HS6ST3: variants seen among roughly 807,000 people sequenced by gnomAD.
HS6ST3 encodes the protein heparan-sulfate 6-O-sulfotransferase 3.
In HS6ST3, 12 loss-of-function variants were observed where a neutral mutation model predicts 36.7. That is an observed-to-expected ratio of 0.33 (90% CI 0.21 to 0.53). HS6ST3 has a LOEUF of 0.53. HS6ST3 is among the 20% of genes least tolerant of loss of function. HS6ST3 has a pLI of 0.95. For synonymous variants in HS6ST3, 240 were observed against 257.5 expected, an observed-to-expected ratio of 0.93 and a Z score of 0.65; for missense variants, 584 against 640.9, an observed-to-expected ratio of 0.91 and a Z score of 0.96.
intron 1 of HS6ST3, among the ~76,000 whole-genome samples, chr13:96,688,130 A>G (rs1215673330): frequency 6.6e-6 from 1 of 150,950 alleles, no homozygotes; most frequent in Non-Finnish European, 1.5e-5. Context: ...ATGACGAGTT[A>G]ATGGGTGCAG....
intron 1 of HS6ST3, among the ~76,000 whole-genome samples, chr13:96,694,230 A>G (rs1399400583): frequency 1.3e-5 from 2 of 152,006 alleles, no homozygotes; most frequent in Non-Finnish European, 2.9e-5. Flanking sequence ...TGTTCTCATT[A>G]TTTAGCTCCC....
chr13:96,553,658 C>T (rs1301295104), intron 1 of HS6ST3, among the ~76,000 whole-genome samples: 1 of 152,176 alleles, frequency 6.6e-6, no homozygotes, highest in African/African-American at 2.4e-5. Flanking sequence ...CACAGATGTG[C>T]CCACATTTGG....
At chr13:96,351,754 A>T (rs2055185306) in intron 1 of HS6ST3, among the ~76,000 whole-genome samples, 1 of 152,214 alleles carries the variant, frequency 6.6e-6, no homozygotes, top group Non-Finnish European at 1.5e-5. Context: ...TACAAAGGAG[A>T]AAGAAATAGC....
At chr13:96,384,790 C>T (rs1269127897) in intron 1 of HS6ST3, among the ~76,000 whole-genome samples, 1 of 152,166 alleles carries the variant, frequency 6.6e-6, no homozygotes, top group Non-Finnish European at 1.5e-5. Flanking sequence ...CCACTTACTA[C>T]CCAAGCTCAG....
intron 1 of HS6ST3, among the ~76,000 whole-genome samples, chr13:96,717,278 A>G (rs899125796): frequency 1.3e-5 from 2 of 152,194 alleles, no homozygotes; most frequent in African/African-American, 4.8e-5. Context: ...CCTACAATGC[A>G]TTCCAGTGGG....
At chr13:96,706,214 A>G (rs1875418759) in intron 1 of HS6ST3, among the ~76,000 whole-genome samples, 1 of 151,870 alleles carries the variant, frequency 6.6e-6, no homozygotes, top group Admixed American at 6.6e-5. Flanking sequence ...CTAGGACCAT[A>G]TGCCCCTAAC....
chr13:96,495,731 C>T (rs1199192736), intron 1 of HS6ST3, among the ~76,000 whole-genome samples: 2 of 152,106 alleles, frequency 1.3e-5, no homozygotes, highest in African/African-American at 4.8e-5. Context: ...GTTGTGTAAA[C>T]GTGTGGCCAA....
At chr13:96,334,930 C>G (rs538513890) in intron 1 of HS6ST3, among the ~76,000 whole-genome samples, 6 of 152,170 alleles carry the variant, frequency 3.9e-5, no homozygotes, top group Non-Finnish European at 8.8e-5. Flanking sequence ...CTTCAAGTAC[C>G]TAGTTGATGC....
At chr13:96,557,041 A>T (rs1306578905) in intron 1 of HS6ST3, among the ~76,000 whole-genome samples, 1 of 152,194 alleles carries the variant, frequency 6.6e-6, no homozygotes, top group Non-Finnish European at 1.5e-5. Flanking sequence ...TTTATAGGTC[A>T]TCTTTAAAGT....
chr13:96,661,100 G>C (rs2056644584), intron 1 of HS6ST3, among the ~76,000 whole-genome samples: 1 of 152,108 alleles, frequency 6.6e-6, no homozygotes, highest in African/African-American at 2.4e-5. Context: ...AGGCTGCACT[G>C]TTGGCTTCCC....
At chr13:96,127,417 G>T (rs1387837417) in intron 1 of HS6ST3, among the ~76,000 whole-genome samples, 1 of 152,214 alleles carries the variant, frequency 6.6e-6, no homozygotes, top group African/African-American at 2.4e-5. Flanking sequence ...TTACAATAGG[G>T]TTTGTGCTCC....
At chr13:96,439,995 C>T (rs995856631) in intron 1 of HS6ST3, among the ~76,000 whole-genome samples, 2 of 152,148 alleles carry the variant, frequency 1.3e-5, no homozygotes, top group African/African-American at 4.8e-5. Flanking sequence ...TTCTAAAAGG[C>T]CTGGGGCTTA....
At chr13:96,370,382 TA>T (rs2055283726) in intron 1 of HS6ST3, among the ~76,000 whole-genome samples, 1 of 152,232 alleles carries the variant, frequency 6.6e-6, no homozygotes, top group Non-Finnish European at 1.5e-5. Context: ...TATTTTTCTT[TA>T]AAAAATTTCT....
At chr13:96,752,669 G>A (rs1414034764) in intron 1 of HS6ST3, among the ~76,000 whole-genome samples, 1 of 151,394 alleles carries the variant, frequency 6.6e-6, no homozygotes, top group Admixed American at 6.6e-5. Context: ...TTCTTTTGAC[G>A]TTTAGGATTT....
At chr13:96,299,488 C>T (rs2054871011) in intron 1 of HS6ST3, among the ~76,000 whole-genome samples, 1 of 152,054 alleles carries the variant, frequency 6.6e-6, no homozygotes, top group Non-Finnish European at 1.5e-5. Flanking sequence ...GAGAAAACGG[C>T]CACCAGATGG....
intron 1 of HS6ST3, among the ~76,000 whole-genome samples, chr13:96,481,238 C>T (rs1374916242): frequency 6.6e-6 from 1 of 152,108 alleles, no homozygotes; most frequent in East Asian, 1.9e-4. Context: ...GGATTCTTGT[C>T]AAGGCTGTTG....
At chr13:96,325,529 T>C (rs1055044728) in intron 1 of HS6ST3, among the ~76,000 whole-genome samples, 1 of 152,196 alleles carries the variant, frequency 6.6e-6, no homozygotes, top group Non-Finnish European at 1.5e-5. Flanking sequence ...TTATATTTTA[T>C]TGGGCATCGT....
At position 96,833,025 on chromosome 13, in the gene HS6ST3, T is replaced by C; in HGVS notation, c.1243T>C (p.Phe415Leu). 1 of 1,613,894 alleles carries C rather than the reference T, an allele frequency of 6.2e-7. No individual in the cohort carries two copies. Among genetic ancestry groups the C allele is most frequent in the Non-Finnish European group, 8.5e-7 (1 of 1,180,016 alleles). ...GCTTTACGAGTATGCAAAAGATCTCTTCCAGCAGCGCTACCACCACACCAA... is the reference window on the plus strand; with the variant it reads ...GCTTTACGAGTATGCAAAAGATCTCCTCCAGCAGCGCTACCACCACACCAA... ...MQLYEYAKDLFQQRYHHTKQL... is the reference protein window; with the variant it reads ...MQLYEYAKDLLQQRYHHTKQL... The change falls in exon 2 of 2, where the codon TTC becomes CTC. Residue 415 changes from phenylalanine to leucine, a missense_variant. Physicochemically the swap from Phe to Leu is conservative, Grantham distance 22. Coordinates refer to ENST00000376705, the MANE Select transcript of HS6ST3 (RefSeq NM_153456.4).
At chr13:96,631,771 G>A (rs2056532756) in intron 1 of HS6ST3, among the ~76,000 whole-genome samples, 1 of 152,196 alleles carries the variant, frequency 6.6e-6, no homozygotes, top group Non-Finnish European at 1.5e-5. Flanking sequence ...ATTCGCTTTT[G>A]TAGGGATGTC....
Sources: allele counts gnomAD v4.1 joint callset (sites outside exome capture counted in the v4.1 genomes callset), GRCh38; gene constraint gnomAD v4.1.1; transcripts MANE v1.5; gene names NCBI Gene and HGNC (gene_info 2026-07-23, HGNC 2026-07-21).